SLC16A3: variants seen among roughly 807,000 people sequenced by gnomAD.
SLC16A3 encodes monocarboxylate transporter 4.
In SLC16A3, 22 loss-of-function variants were observed where a neutral mutation model predicts 25.0. The observed-to-expected ratio is 0.88, with a 90% CI of 0.63 to 1.26. SLC16A3 has a LOEUF of 1.26. Ranked by LOEUF, SLC16A3 falls within the 50% of genes most tolerant of loss-of-function variation. SLC16A3 has a pLI of 0.00. For missense variants in SLC16A3, 731 were observed against 666.6 expected (o/e 1.10, Z -1.06); for synonymous variants, 390 against 309.2 (o/e 1.26, Z -2.74).
At chr17:82,221,775 G>A (rs1454117378) in intron 1 of SLC16A3, among the ~76,000 whole-genome samples, 1 of 152,026 alleles carries the variant, frequency 6.6e-6, no homozygotes, top group Non-Finnish European at 1.5e-5. Flanking sequence ...GTGGCAGCAC[G>A]GGCCTGGAGT....
chr17:82,225,404 G>A (rs141514515), upstream of SLC16A3, among the ~76,000 whole-genome samples: 1,318 of 152,278 alleles, frequency 8.7e-3, 23 homozygotes, highest in African/African-American at 0.029. Flanking sequence ...CCCTGGCACC[G>A]TCCTGGCTGC....
chr17:82,235,697 C>T (rs2050584657), intron 1 of SLC16A3: 1 of 471,156 alleles, frequency 2.1e-6, no homozygotes, highest in Non-Finnish European at 3.9e-6. Flanking sequence ...GCTGCTTGTC[C>T]CAGGAGGTAA....
chr17:82,237,770 A>G lies in SLC16A3; in HGVS notation c.1000A>G (p.Met334Val). ...CATCTTCTTTGGCATCTCCTACGGC[A>G]TGGTGGGGGCCCTGCAGTTCGAGGT... ...FCIFFGISYG[M>V]VGALQFEVLM... The change falls in exon 4 of 5, where the codon ATG becomes GTG. Residue 334 changes from methionine to valine, a missense_variant. Coordinates refer to ENST00000582743, the MANE Select transcript of SLC16A3 (RefSeq NM_004207.4). 1 of 1,611,898 alleles carries G rather than the reference A, an allele frequency of 6.2e-7. No homozygotes were observed. The highest frequency in any genetic ancestry group is 8.5e-7 in the Non-Finnish European group (1 of 1,179,942).
upstream of SLC16A3, among the ~76,000 whole-genome samples, chr17:82,226,830 AG>A (rs1251040303): frequency 6.6e-6 from 1 of 152,062 alleles, no homozygotes; most frequent in African/African-American, 2.4e-5. Context: ...TGTTCTGTCC[AG>A]GCTCCGGGTG....
At chr17:82,222,728 G>C (rs954586817) in intron 1 of SLC16A3, among the ~76,000 whole-genome samples, 1 of 151,496 alleles carries the variant, frequency 6.6e-6, no homozygotes, top group Admixed American at 6.6e-5. Flanking sequence ...ACTCGAACCA[G>C]GGAGGCGGAG....
At chr17:82,224,314 G>T (rs1270144867), upstream of SLC16A3, among the ~76,000 whole-genome samples, 1 of 88,320 alleles carries the variant, frequency 1.1e-5, no homozygotes, top group African/African-American at 5.2e-5. Context: ...GCAGTCACCT[G>T]TGCAGACACA....
intron 1 of SLC16A3, among the ~76,000 whole-genome samples, chr17:82,221,498 G>A (rs2050388692): frequency 6.6e-6 from 1 of 152,026 alleles, no homozygotes; most frequent in East Asian, 1.9e-4. Context: ...GAACCCGGGA[G>A]GTGAAGGCTG....
Position 82,237,387 on chromosome 17 carries a change from C to T in SLC16A3, c.617C>T (p.Pro206Leu), listed in dbSNP as rs977579485. 1.2e-5 allele frequency: 19 copies of T among 1,546,702 alleles called. No individual in the cohort carries two copies. The highest frequency in any genetic ancestry group is 8.2e-5 in the African/African-American group (6 of 73,274). ...AGGCCCCTGGTGGTCACGGCCCAGC[C>T]GGGCTCGGGGCCGCCGCGACCCTCC... is the stretch of plus-strand genomic sequence containing the variant. ...LMRPLVVTAQPGSGPPRPSRR... is the reference protein window; with the variant it reads ...LMRPLVVTAQLGSGPPRPSRR... Residue 206 changes from proline (P) to leucine (L), a missense_variant, in exon 4 of 5, where the codon CCG (proline) becomes CTG (leucine). Pro to Leu is a moderately conservative substitution (Grantham distance 98). Coordinates refer to ENST00000582743, the MANE Select transcript of SLC16A3 (RefSeq NM_004207.4).
rs778956211 is a variant in SLC16A3 at position 82,236,719 on chromosome 17, C to T, written c.224-10C>T. On this transcript the variant is annotated splice_polypyrimidine_tract_variant and intron_variant, in intron 2 of 4. Transcript: ENST00000582743. ...CAGGCCCGGCCCCTCTCAGCTGCTGCCCTCTCCAGGTCCGCTCTGCAGTGT... is the reference window on the plus strand; with the variant it reads ...CAGGCCCGGCCCCTCTCAGCTGCTGTCCTCTCCAGGTCCGCTCTGCAGTGT... 1.2e-6 allele frequency: 2 copies of T among 1,602,592 alleles called. No individual in the cohort carries two copies. Among genetic ancestry groups the T allele is most frequent in the South Asian group, 1.1e-5 (1 of 90,984 alleles).
At position 82,236,751 on chromosome 17, in the gene SLC16A3, G is replaced by A; in HGVS notation, c.246G>A (p.Val82=). 2 of 1,607,938 alleles carry A rather than the reference G, an allele frequency of 1.2e-6. No homozygotes were observed. The highest frequency in any genetic ancestry group is 1.7e-6 in the Non-Finnish European group (2 of 1,179,818). Residue 82 remains valine, a synonymous_variant, in exon 3 of 5, where the codon GTG becomes GTA. Transcript: ENST00000582743. The stretch of plus-strand genomic sequence containing the variant: ...CAGGTCCGCTCTGCAGTGTGTGCGT[G>A]AACCGCTTTGGCTGCCGGCCCGTCA... ...YGTGPLCSVC[V]NRFGCRPVML...
At position 82,238,883 on chromosome 17, in the gene SLC16A3, C is replaced by T. The variant is rs375656989; in HGVS notation, c.1305C>T (p.Asp435=). 2 of 1,608,186 alleles carry T rather than the reference C, an allele frequency of 1.2e-6. No individual in the cohort carries two copies. The highest frequency in any genetic ancestry group is 1.7e-6 in the Non-Finnish European group (2 of 1,176,632). The change falls in exon 5 of 5, where the codon GAC becomes GAT. Residue 435 remains aspartate (D), a synonymous_variant. Coordinates refer to ENST00000582743, the MANE Select transcript of SLC16A3 (RefSeq NM_004207.4). ...EEEKLHKPPA[D]SGVDLREVEH... ...AGAAGCTCCACAAGCCTCCTGCAGA[C>T]TCGGGGGTGGACTTGCGGGAGGTGG...
chr17:82,229,074 GAGAGGCGGGC>G lies in SLC16A3; in HGVS notation c.-58_-49del, dbSNP rs2050452329. The G allele has an allele frequency of 9.0e-6, 1 of 111,684 alleles. No individual in the cohort carries two copies. Among genetic ancestry groups the G allele is most frequent in the South Asian group, 2.7e-4 (1 of 3,712 alleles). 6.9% of individuals were successfully genotyped at this position (111,684 alleles called of 1,614,324 possible). A position where few individuals can be genotyped will look rare whatever the true frequency, so the allele number is the denominator to read the frequency against. On this transcript the variant is annotated 5_prime_UTR_variant, in exon 1 of 5. Coordinates refer to ENST00000582743, the MANE Select transcript of SLC16A3 (RefSeq NM_004207.4). Reference sequence around the variant, plus strand: ...GCGGGCAGAGGCGGCGAGAGGCGGCGAGAGGCGGGCTGAGGCGGCCCAGCGGCGGCAGGTA... The same window carrying G: ...GCGGGCAGAGGCGGCGAGAGGCGGCGTGAGGCGGCCCAGCGGCGGCAGGTA...
upstream of SLC16A3, among the ~76,000 whole-genome samples, chr17:82,226,456 T>G (rs564071709): frequency 6.6e-6 from 1 of 152,190 alleles, no homozygotes; most frequent in Admixed American, 6.5e-5. Context: ...TTCCCACCCC[T>G]TCCCGCAGCT....
At position 82,235,985 on chromosome 17, in the gene SLC16A3, G is replaced by C. The variant is rs761644889; in HGVS notation, c.-24G>C. On this transcript the variant is annotated splice_region_variant and 5_prime_UTR_variant, in exon 2 of 5. Coordinates refer to ENST00000582743, the MANE Select transcript of SLC16A3 (RefSeq NM_004207.4). ...AGTCAGCCTGCTTTCTCTCTCAGGT[G>C]AGGCGGAACCAACCCTCCTGGCCAT... 6.3e-7 allele frequency: 1 copy of C among 1,595,324 alleles called. No homozygotes were observed. The highest frequency in any genetic ancestry group is 8.6e-7 in the Non-Finnish European group (1 of 1,169,442).
Position 82,234,008 on chromosome 17 carries a change from T to C in SLC16A3, c.-26-1975T>C, listed in dbSNP as rs1433940491. ...GGCGCCTGCCACTGCGCCCAGCTAA[T>C]TTTTTTTATTTTTAGTAGAGACGGG... On this transcript the variant is annotated intron_variant, in intron 1 of 4. Coordinates refer to ENST00000582743, the MANE Select transcript of SLC16A3 (RefSeq NM_004207.4). 3 of 151,014 alleles carry C rather than the reference T, an allele frequency of 2.0e-5. No individual in the cohort carries two copies. The East Asian group carries it at 5.8e-4, about 29-fold the overall frequency. The allele number at this position is 151,014 out of a possible 1,614,324, so 9.4% of individuals were successfully genotyped here.
rs1031721451 is a variant in SLC16A3 at position 82,239,536 on chromosome 17, C to T, written c.*560C>T. The T allele has an allele frequency of 3.9e-5, 7 of 178,926 alleles. No homozygotes were observed. The highest frequency in any genetic ancestry group is 7.1e-5 in the African/African-American group (3 of 42,528). 11.1% of individuals were successfully genotyped at this position (178,926 alleles called of 1,614,324 possible). On this transcript the variant is annotated 3_prime_UTR_variant, in exon 5 of 5. Transcript: ENST00000582743. Reference sequence around the variant, plus strand: ...TGTGTGGCCTGTGTCCTGACTCGCACGTCTGCTGATGGCCTGGCTGTTCCT... The same window carrying T: ...TGTGTGGCCTGTGTCCTGACTCGCATGTCTGCTGATGGCCTGGCTGTTCCT...
At chr17:82,226,496 C>T (rs909768746), upstream of SLC16A3, among the ~76,000 whole-genome samples, 23 of 152,114 alleles carry the variant, frequency 1.5e-4, no homozygotes, top group Admixed American at 6.5e-5. Context: ...GGGGATCGCA[C>T]CATGGCCAGA....
At chr17:82,221,325 T>C (rs1439197757) in intron 1 of SLC16A3, among the ~76,000 whole-genome samples, 1 of 152,116 alleles carries the variant, frequency 6.6e-6, no homozygotes, top group Admixed American at 6.5e-5. Flanking sequence ...TTTGGGAGGC[T>C]GAGGCAGGCG....
Position 82,239,081 on chromosome 17 carries a change from T to C in SLC16A3, c.*105T>C, listed in dbSNP as rs2050697206. 1 of 1,154,866 alleles carries C rather than the reference T, an allele frequency of 8.7e-7. No individual in the cohort carries two copies. Among genetic ancestry groups the C allele is most frequent in the Non-Finnish European group, 1.2e-6 (1 of 842,320 alleles). 71.5% of individuals were successfully genotyped at this position (1,154,866 alleles called of 1,614,324 possible). Reference sequence around the variant, plus strand: ...GGCTCAGGCAGGGCCACGGCTGGGCTCCAGCTGCCGGCCCAGCGGATCGTC... The same window carrying C: ...GGCTCAGGCAGGGCCACGGCTGGGCCCCAGCTGCCGGCCCAGCGGATCGTC... On this transcript the variant is annotated 3_prime_UTR_variant, in exon 5 of 5. Transcript: ENST00000582743.
Sources: gnomAD v4.1 joint callset for allele counts (sites outside exome capture counted in the v4.1 genomes callset) on GRCh38, gnomAD v4.1.1 for gene constraint, MANE v1.5 for transcripts, NCBI Gene and HGNC (gene_info 2026-07-23, HGNC 2026-07-21) for gene names.